EXOC6B: variants seen among roughly 807,000 people sequenced by gnomAD.
The protein encoded by EXOC6B is SEC15 homolog B.
Under a neutral mutation model 113.5 loss-of-function variants are expected in EXOC6B, and 54 were observed. The ratio of observed to expected loss-of-function variants is 0.48; its 90% CI spans 0.38 to 0.60. The LOEUF is 0.60. Ranked by LOEUF, EXOC6B falls within the 20% of genes least tolerant of loss-of-function variation. The pLI is 0.00. For missense variants in EXOC6B, 797 were observed against 977.5 expected (o/e 0.82, Z 2.46); for synonymous variants, 357 against 339.0 (o/e 1.05, Z -0.58).
intron 8 of EXOC6B, among the ~76,000 whole-genome samples, chr2:72,541,223 T>C (rs1385652323): frequency 1.3e-5 from 2 of 152,176 alleles, no homozygotes; most frequent in East Asian, 3.8e-4. Flanking sequence ...AAGAAGTGCC[T>C]TTCACCTCCT....
At chr2:72,275,146 A>G (rs1439924590) in intron 20 of EXOC6B, among the ~76,000 whole-genome samples, 5 of 152,184 alleles carry the variant, frequency 3.3e-5, no homozygotes, top group Admixed American at 1.3e-4. Context: ...TATGTGAGCT[A>G]GTAATTTGCA....
intron 19 of EXOC6B, among the ~76,000 whole-genome samples, chr2:72,370,453 G>A (rs1442562116): frequency 2.0e-5 from 3 of 152,202 alleles, no homozygotes; most frequent in Non-Finnish European, 4.4e-5. Flanking sequence ...AGACAGTGTG[G>A]TGATTCCTCA....
intron 11 of EXOC6B, among the ~76,000 whole-genome samples, chr2:72,508,380 G>A (rs2138683): frequency 0.84 from 128,140 of 152,022 alleles, 54,720 homozygotes; most frequent in East Asian, 0.99. Context: ...GAGGTGGAAG[G>A]GTTGTAACAA....
intron 20 of EXOC6B, among the ~76,000 whole-genome samples, chr2:72,253,881 C>T (rs537051282): frequency 6.6e-6 from 1 of 152,310 alleles, no homozygotes; most frequent in African/African-American, 2.4e-5. Flanking sequence ...ATATGTTCGG[C>T]TGGGCACAGT....
chr2:72,754,308 A>G (rs1381489662), intron 1 of EXOC6B, among the ~76,000 whole-genome samples: 1 of 152,190 alleles, frequency 6.6e-6, no homozygotes, highest in Admixed American at 6.5e-5. Flanking sequence ...AAACAAGATC[A>G]TGAGTCCATT....
chr2:72,747,003 A>G (rs1681744715), intron 1 of EXOC6B, among the ~76,000 whole-genome samples: 1 of 152,068 alleles, frequency 6.6e-6, no homozygotes, highest in Non-Finnish European at 1.5e-5. Flanking sequence ...CTGACCCCCA[A>G]AGAAAACAGA....
At chr2:72,769,973 C>CAAA in intron 1 of EXOC6B, among the ~76,000 whole-genome samples, 1 of 152,228 alleles carries the variant, frequency 6.6e-6, no homozygotes, top group Admixed American at 6.5e-5. Flanking sequence ...GGAAACAAAA[C>CAAA]ATGAGCCAAG....
chr2:72,182,834 G>C, intron 21 of EXOC6B: 1 of 1,151,272 alleles, frequency 8.7e-7, no homozygotes, highest in Non-Finnish European at 1.1e-6. Context: ...GTGTCAATGA[G>C]GAAACCAGAA....
At chr2:72,388,018 T>C (rs1692153483) in intron 18 of EXOC6B, among the ~76,000 whole-genome samples, 1 of 152,136 alleles carries the variant, frequency 6.6e-6, no homozygotes, top group Admixed American at 6.6e-5. Flanking sequence ...CCAGGGACAT[T>C]TGGCAATGTC....
At chr2:72,515,371 C>T in intron 8 of EXOC6B, 1 of 1,136,114 alleles carries the variant, frequency 8.8e-7, no homozygotes, top group Non-Finnish European at 1.1e-6. Context: ...AACTTAATCA[C>T]CAGCACACCA....
chr2:72,224,982 A>ATGTGTGTGTG (rs200553877), intron 20 of EXOC6B, among the ~76,000 whole-genome samples: 2 of 137,086 alleles, frequency 1.5e-5, no homozygotes, highest in Admixed American at 7.4e-5. Context: ...CTCTCTCTGT[A>ATGTGTGTGTG]TGTGTGTGTG....
intron 17 of EXOC6B, among the ~76,000 whole-genome samples, chr2:72,468,890 A>T (rs1698224449): frequency 6.6e-6 from 1 of 152,148 alleles, no homozygotes; most frequent in African/African-American, 2.4e-5. Flanking sequence ...TTGCATAATA[A>T]TCTTAAGGTG....
chr2:72,559,148 G>A (rs774804528), intron 8 of EXOC6B, among the ~76,000 whole-genome samples: 24 of 152,116 alleles, frequency 1.6e-4, no homozygotes, highest in Admixed American at 2.6e-4. Flanking sequence ...CTATTTTAAT[G>A]TGTAAAGACA....
intron 6 of EXOC6B, among the ~76,000 whole-genome samples, chr2:72,638,275 G>T (rs1471177974): frequency 6.6e-6 from 1 of 152,138 alleles, no homozygotes; most frequent in Non-Finnish European, 1.5e-5. Flanking sequence ...TACATTCCTA[G>T]ATGCAAACAA....
At chr2:72,641,433 C>A (rs1673226590) in intron 6 of EXOC6B, among the ~76,000 whole-genome samples, 1 of 152,250 alleles carries the variant, frequency 6.6e-6, no homozygotes. Context: ...ATTGGTGGGT[C>A]CCCCACCCAC....
At chr2:72,799,074 A>G (rs1451580407) in intron 1 of EXOC6B, among the ~76,000 whole-genome samples, 1 of 151,636 alleles carries the variant, frequency 6.6e-6, no homozygotes. Flanking sequence ...CCTCGTCTCT[A>G]CAAAAAAATA....
At chr2:72,404,386 G>A (rs1693575217) in intron 18 of EXOC6B, among the ~76,000 whole-genome samples, 1 of 152,224 alleles carries the variant, frequency 6.6e-6, no homozygotes, top group Non-Finnish European at 1.5e-5. Flanking sequence ...CGCAGCTGGA[G>A]ATCTGAGAAT....
chr2:72,808,542 T>G (rs1020988057), intron 1 of EXOC6B, among the ~76,000 whole-genome samples: 1 of 152,188 alleles, frequency 6.6e-6, no homozygotes, highest in Non-Finnish European at 1.5e-5. Flanking sequence ...GAGGATGGCT[T>G]GAGCCCAGAA....
chr2:72,310,011 T>C (rs1046236456), intron 20 of EXOC6B, among the ~76,000 whole-genome samples: 3 of 152,210 alleles, frequency 2.0e-5, no homozygotes, highest in Non-Finnish European at 4.4e-5. Flanking sequence ...GTAGAGATGT[T>C]CCACATTATG....
Sources: gnomAD v4.1 joint callset for allele counts (sites outside exome capture counted in the v4.1 genomes callset) on GRCh38, gnomAD v4.1.1 for gene constraint, MANE v1.5 for transcripts, NCBI Gene and HGNC (gene_info 2026-07-23, HGNC 2026-07-21) for gene names.